The following ATG2B variants were observed in gnomAD, a reference collection of about 807,000 sequenced individuals.
ATG2B encodes autophagy related 2B.
ATG2B carries 121 observed loss-of-function variants against 241.3 expected under a neutral mutation model. That is an observed-to-expected ratio of 0.50 (90% confidence interval 0.43 to 0.58). The LOEUF is 0.58. Ranked by LOEUF, ATG2B falls within the 20% of genes least tolerant of loss-of-function variation. ATG2B has a pLI of 0.00. For missense variants in ATG2B, 2,306 were observed against 2,491.6 expected (o/e 0.93, Z 1.59); for synonymous variants, 858 against 876.6 (o/e 0.98, Z 0.37).
At chr14:96,336,609 A>G (rs1235733441) in intron 6 of ATG2B, among the ~76,000 whole-genome samples, 1 of 152,220 alleles carries the variant, frequency 6.6e-6, no homozygotes, top group African/African-American at 2.4e-5. Flanking sequence ...ATCATGTACA[A>G]AAGTTTGGGT....
chr14:96,292,625 G>A (rs574102714), intron 36 of ATG2B, among the ~76,000 whole-genome samples: 3 of 152,146 alleles, frequency 2.0e-5, no homozygotes, highest in Non-Finnish European at 2.9e-5. Flanking sequence ...ATGCAACTGT[G>A]GGCAAGTCAC....
rs944229597 is a variant in ATG2B at position 96,340,240 on chromosome 14, TATATATGGACTCATCCTATATATGGACCC to T, written c.924+1253_924+1281del. 6.0e-5 allele frequency among the ~76,000 whole-genome samples: 8 copies of T among 134,132 alleles called. No individual in the cohort carries two copies. In the East Asian group the frequency reaches 1.3e-3, roughly 21 times the overall value. The allele number at this position is 134,132 out of a possible 152,430, so 88.0% of individuals were successfully genotyped here. A position where few individuals can be genotyped will look rare whatever the true frequency, so the allele number is the denominator to read the frequency against. On this transcript the variant is annotated intron_variant, in intron 6 of 41. Transcript: ENST00000359933. ...GTGTGTGTGTGTGTGTGTGTATTTA[TATATATGGACTCATCCTATATATGGACCC>T]ATATATGGACCAAAATATGGACTCA...
intron 37 of ATG2B, 87 bp downstream of exon 37, chr14:96,291,942 T>C: frequency 1.1e-6 from 1 of 945,872 alleles, no homozygotes; most frequent in Non-Finnish European, 1.6e-6. Flanking sequence ...ATATATAAAC[T>C]ATGACAAAGC....
intron 6 of ATG2B, 23 bp downstream of exon 6, chr14:96,341,499 C>T (rs1179716572): frequency 6.5e-7 from 1 of 1,537,316 alleles, no homozygotes; most frequent in Non-Finnish European, 8.8e-7. Flanking sequence ...GGTTTTACTA[C>T]AGAAAGTGAA....
At chr14:96,303,867 T>A (rs952825758) in intron 32 of ATG2B, among the ~76,000 whole-genome samples, 1 of 152,206 alleles carries the variant, frequency 6.6e-6, no homozygotes. Context: ...AAAATTATTA[T>A]CTTGCATACC....
At chr14:96,343,302 A>G in intron 4 of ATG2B, 21 bp from the exon 5 acceptor site, 4 of 1,543,026 alleles carry the variant, frequency 2.6e-6, no homozygotes, top group Non-Finnish European at 3.5e-6. Flanking sequence ...TTTAAAAAGC[A>G]TTTACAAAAA....
Position 96,309,555 on chromosome 14 carries a change from G to GTACT in ATG2B, c.4197_4200dup (p.Leu1401SerfsTer4). The GTACT allele has an allele frequency of 6.2e-7, 1 of 1,614,024 alleles. No homozygotes were observed. The highest frequency in any genetic ancestry group is 8.5e-7 in the Non-Finnish European group (1 of 1,179,948). ...AACATTTGTTGATCTGCTTCAGGAA[G>GTACT]TACTGGACCACGTGAGGATGATCGA... On this transcript the variant is annotated frameshift_variant, in exon 29 of 42. Coordinates refer to ENST00000359933, the MANE Select transcript of ATG2B (RefSeq NM_018036.7). LOFTEE classifies it high-confidence loss of function.
intron 15 of ATG2B, among the ~76,000 whole-genome samples, chr14:96,325,325 C>G (rs1595312910): frequency 6.6e-6 from 1 of 152,092 alleles, no homozygotes; most frequent in East Asian, 1.9e-4. Context: ...ATTTAACATA[C>G]AGTGGCACTT....
intron 15 of ATG2B, among the ~76,000 whole-genome samples, chr14:96,324,935 G>A (rs900434075): frequency 2.0e-5 from 3 of 152,134 alleles, no homozygotes; most frequent in African/African-American, 7.2e-5. Flanking sequence ...AGAGGGTGTC[G>A]TGGCAGAGGC....
Position 96,331,585 on chromosome 14 carries a change from A to G in ATG2B, c.1521T>C (p.Phe507=). ...TTGAAAAAGTTCCCACAGCTAGTCT[A>G]AAAATAAGTTCAGGCCTTGATTCAT... The part of the protein sequence containing the change: ...SVDESRPELI[F]RLAVGTFSIS... Residue 507 remains phenylalanine (F), a synonymous_variant, in exon 11 of 42, where the codon TTT becomes TTC. Coordinates refer to ENST00000359933, the MANE Select transcript of ATG2B (RefSeq NM_018036.7). The G allele has an allele frequency of 6.2e-7, 1 of 1,613,998 alleles. No homozygotes were observed. The highest frequency in any genetic ancestry group is 8.5e-7 in the Non-Finnish European group (1 of 1,179,900).
At position 96,302,578 on chromosome 14, in the gene ATG2B, GGA is replaced by G. The variant is rs1013157946; in HGVS notation, c.5038-472_5038-471del. ...GTCACAGAGTGAGACACTGTTGGGG[GGA>G]AAAAAAAAACTGCTTAAAGATGTAG... On this transcript the variant is annotated intron_variant, in intron 33 of 41. Coordinates refer to ENST00000359933, the MANE Select transcript of ATG2B (RefSeq NM_018036.7). Among the ~76,000 whole-genome samples the G allele has an allele frequency of 3.8e-4, 50 of 132,088 alleles. No homozygotes were observed. The South Asian group carries it at 9.5e-3, about 25-fold the overall frequency. The allele number at this position is 132,088 out of a possible 152,430, so 86.7% of individuals were successfully genotyped here.
Position 96,290,888 on chromosome 14 carries a change from A to C in ATG2B, c.5627T>G (p.Leu1876Arg), listed in dbSNP as rs755814772. Residue 1876 changes from leucine to arginine, a missense_variant, in exon 39 of 42, where the codon CTT (leucine) becomes CGT (arginine). Physicochemically the swap from Leu to Arg is moderately radical, Grantham distance 102 (BLOSUM62 -2). This residue lies in a region of ATG2B where 379 missense variants were observed against 480.4 expected (regional missense o/e 0.79). Coordinates refer to ENST00000359933, the MANE Select transcript of ATG2B (RefSeq NM_018036.7). The surrounding 1 kb of genome is among the most constrained non-coding windows in gnomAD (Gnocchi z 4.4). ...KLFSYAITEW[L>R]NDIKKNQLPG... ...TAGCTGGTTCTTCTTAATGTCATTAAGCCACTCAGTGATTGCATATGAGAA... is the reference window on the plus strand; with the variant it reads ...TAGCTGGTTCTTCTTAATGTCATTACGCCACTCAGTGATTGCATATGAGAA... The C allele has an allele frequency of 3.7e-6, 6 of 1,613,886 alleles. No individual in the cohort carries two copies. The highest frequency in any genetic ancestry group is 5.1e-6 in the Non-Finnish European group (6 of 1,179,830).
intron 29 of ATG2B, among the ~76,000 whole-genome samples, chr14:96,308,277 T>A (rs1485429028): frequency 2.4e-5 from 1 of 40,976 alleles, no homozygotes; most frequent in African/African-American, 1.1e-4. Context: ...TATATATATA[T>A]ATATATTTTT....
In ATG2B at chr14:96,284,631, T is replaced by C. The variant is rs1886287402; in HGVS notation, c.*1124A>G. 1 of 152,236 alleles carries C rather than the reference T, an allele frequency of 6.6e-6. No individual in the cohort carries two copies. The highest frequency in any genetic ancestry group is 6.5e-5 in the Admixed American group (1 of 15,284). The allele number at this position is 152,236 out of a possible 1,614,324, so 9.4% of individuals were successfully genotyped here. On this transcript the variant is annotated 3_prime_UTR_variant, in exon 42 of 42. Transcript: ENST00000359933. ...CTCCTAGGTAATGATTTACCTGATA[T>C]TAACCAAAATCGATTTTGAGAAAGT...
intron 35 of ATG2B, 97 bp from the exon 36 acceptor site, chr14:96,295,264 T>C: frequency 8.6e-7 from 1 of 1,164,424 alleles, no homozygotes; most frequent in South Asian, 1.5e-5. Context: ...TACATTTTAT[T>C]TAATCAAAAT....
chr14:96,288,590 T>A (rs1320642228), intron 41 of ATG2B, among the ~76,000 whole-genome samples: 1 of 152,164 alleles, frequency 6.6e-6, no homozygotes, highest in Non-Finnish European at 1.5e-5. Context: ...GGCCCTACCT[T>A]CGTGGACTTC....
chr14:96,298,292 G>A (rs1886701643), intron 34 of ATG2B, among the ~76,000 whole-genome samples: 1 of 152,200 alleles, frequency 6.6e-6, no homozygotes. Context: ...GCAAGGCTAT[G>A]AAGCAGCTGC....
At position 96,311,638 on chromosome 14, in the gene ATG2B, G is replaced by T; in HGVS notation, c.3914-20C>A. Reference sequence around the variant, plus strand: ...CATAATCTAAAATTTTTAAAATTAAGAAAATCTCTTCAGTACAGCTTTCAA... The same window carrying T: ...CATAATCTAAAATTTTTAAAATTAATAAAATCTCTTCAGTACAGCTTTCAA... On this transcript the variant is annotated intron_variant, in intron 26 of 41. Coordinates refer to ENST00000359933, the MANE Select transcript of ATG2B (RefSeq NM_018036.7). 1 of 1,545,236 alleles carries T rather than the reference G, an allele frequency of 6.5e-7. No homozygotes were observed. Among genetic ancestry groups the T allele is most frequent in the South Asian group, 1.1e-5 (1 of 87,630 alleles).
chr14:96,309,094 A>C (rs540934887), intron 29 of ATG2B, among the ~76,000 whole-genome samples: 1 of 152,304 alleles, frequency 6.6e-6, no homozygotes, highest in East Asian at 1.9e-4. Flanking sequence ...ACTAAAGTCT[A>C]ATAAAATTAT....
Sources: allele counts gnomAD v4.1 joint callset (sites outside exome capture counted in the v4.1 genomes callset), GRCh38; gene constraint gnomAD v4.1.1; regional missense constraint gnomAD v4.1.1; non-coding constraint Gnocchi (gnomAD v3.1); transcripts MANE v1.5; gene names NCBI Gene and HGNC (gene_info 2026-07-23, HGNC 2026-07-21).